The following FBXL17 variants were observed in gnomAD, a reference collection of about 807,000 sequenced individuals.
The protein encoded by FBXL17 is F-box/LRR-repeat protein 17.
In FBXL17, 22 loss-of-function variants were observed where a neutral mutation model predicts 66.2. That is an observed-to-expected ratio of 0.33 (90% CI 0.24 to 0.47). The LOEUF is 0.47. Ranked by LOEUF, FBXL17 falls within the 20% of genes least tolerant of loss-of-function variation. FBXL17 has a pLI of 1.00. For synonymous variants in FBXL17, 474 were observed against 400.5 expected, an observed-to-expected ratio of 1.18 and a Z score of -2.19; for missense variants, 878 against 948.2, an observed-to-expected ratio of 0.93 and a Z score of 0.97.
chr5:108,298,481 A>G (rs10070565), intron 4 of FBXL17: 4 of 972,962 alleles, frequency 4.1e-6, no homozygotes, highest in Non-Finnish European at 4.9e-6. Flanking sequence ...AAAGCATCTA[A>G]AGCCCTAAGT....
At chr5:107,876,117 GA>G (rs1748607450) in intron 8 of FBXL17, among the ~76,000 whole-genome samples, 1 of 152,194 alleles carries the variant, frequency 6.6e-6, no homozygotes, top group Admixed American at 6.5e-5. Context: ...TGGCCAAGAA[GA>G]AAAAACCTCC....
chr5:108,135,949 T>G (rs1751117015), intron 6 of FBXL17, among the ~76,000 whole-genome samples: 1 of 152,052 alleles, frequency 6.6e-6, no homozygotes, highest in African/African-American at 2.4e-5. Context: ...CCAACATAGT[T>G]TTTTATGGGC....
chr5:107,981,400 A>T (rs1356358168), intron 7 of FBXL17, among the ~76,000 whole-genome samples: 4 of 152,216 alleles, frequency 2.6e-5, no homozygotes, highest in Non-Finnish European at 1.5e-5. Flanking sequence ...ACATGGAGTG[A>T]CCACAACTGT....
chr5:108,116,577 G>A (rs1281467868), intron 6 of FBXL17, among the ~76,000 whole-genome samples: 1 of 151,910 alleles, frequency 6.6e-6, no homozygotes, highest in Non-Finnish European at 1.5e-5. Flanking sequence ...GAACCCGGGA[G>A]GCAGAGGTTG....
At chr5:108,281,587 G>T (rs1291095337) in intron 4 of FBXL17, among the ~76,000 whole-genome samples, 1 of 151,680 alleles carries the variant, frequency 6.6e-6, no homozygotes, top group Non-Finnish European at 1.5e-5. Flanking sequence ...AAAGAAGAAA[G>T]ATTACAAATT....
intron 7 of FBXL17, among the ~76,000 whole-genome samples, chr5:107,929,755 G>C (rs370619522): frequency 2.0e-5 from 3 of 152,048 alleles, no homozygotes; most frequent in East Asian, 3.9e-4. Context: ...AGCATCACCT[G>C]TTCCATCTCT....
intron 6 of FBXL17, among the ~76,000 whole-genome samples, chr5:108,132,427 C>T (rs1407514302): frequency 6.6e-6 from 1 of 152,132 alleles, no homozygotes; most frequent in Non-Finnish European, 1.5e-5. Flanking sequence ...CCCCTAATTA[C>T]TTAATACACT....
intron 2 of FBXL17, 69 bp from the exon 3 acceptor site, chr5:108,365,064 A>C: frequency 1.7e-6 from 2 of 1,144,672 alleles, no homozygotes; most frequent in Non-Finnish European, 2.5e-6. Context: ...TTTTTTAATT[A>C]AATGTTCCAC....
intron 6 of FBXL17, among the ~76,000 whole-genome samples, chr5:108,124,013 C>A (rs1229170857): frequency 1.3e-5 from 2 of 152,070 alleles, no homozygotes; most frequent in Non-Finnish European, 2.9e-5. Flanking sequence ...CAGTGACTGG[C>A]AGTTTATTTA....
At chr5:108,367,782 T>C in intron 2 of FBXL17, 49 bp downstream of exon 2, 2 of 1,466,132 alleles carry the variant, frequency 1.4e-6, no homozygotes, top group Non-Finnish European at 1.8e-6. Context: ...GGAATAAAGA[T>C]ATTTTTTGAG....
chr5:108,268,110 C>T (rs1284239589), intron 4 of FBXL17, among the ~76,000 whole-genome samples: 1 of 151,744 alleles, frequency 6.6e-6, no homozygotes, highest in East Asian at 1.9e-4. Context: ...AATTAGAAAA[C>T]ATTAGGCAGC....
intron 5 of FBXL17, among the ~76,000 whole-genome samples, chr5:108,214,505 C>A (rs996309888): frequency 1.3e-5 from 2 of 151,732 alleles, no homozygotes; most frequent in Non-Finnish European, 2.9e-5. Context: ...GTAACTGGGA[C>A]AAGAGGCACA....
chr5:108,226,195 A>T lies in FBXL17; in HGVS notation c.1507-1967T>A, dbSNP rs151148088. Among the ~76,000 whole-genome samples the T allele has an allele frequency of 2.3e-3, 350 of 152,300 alleles. 2 individuals are homozygous for T. The highest frequency in any genetic ancestry group is 8.2e-3 in the African/African-American group (339 of 41,572). On this transcript the variant is annotated intron_variant, in intron 4 of 8. Coordinates refer to ENST00000542267, the MANE Select transcript of FBXL17 (RefSeq NM_001163315.3). ...AACTCTTCCCTCCCTCTCCCCTAGA[A>T]TAACCAACCATTCTGATTTGCCTCG...
At chr5:108,194,313 A>C (rs1028272598) in intron 5 of FBXL17, among the ~76,000 whole-genome samples, 1 of 152,030 alleles carries the variant, frequency 6.6e-6, no homozygotes. Flanking sequence ...CCTTCCTCTT[A>C]TTCCACTACC....
At chr5:108,163,401 T>TTC (rs1490109206) in intron 6 of FBXL17, among the ~76,000 whole-genome samples, 1 of 69,938 alleles carries the variant, frequency 1.4e-5, no homozygotes, top group South Asian at 5.4e-4. Context: ...TTTTTTTTCT[T>TTC]TTTTTTTTTT....
At chr5:108,002,726 C>A (rs1753783807) in intron 7 of FBXL17, among the ~76,000 whole-genome samples, 1 of 152,176 alleles carries the variant, frequency 6.6e-6, no homozygotes, top group Non-Finnish European at 1.5e-5. Flanking sequence ...ATACATCCCA[C>A]AACACTGACA....
At chr5:108,016,390 G>C (rs1404026240) in intron 7 of FBXL17, among the ~76,000 whole-genome samples, 1 of 152,144 alleles carries the variant, frequency 6.6e-6, no homozygotes, top group African/African-American at 2.4e-5. Flanking sequence ...GTCAGTATTT[G>C]AGTGTTTCCA....
At chr5:108,010,678 G>A (rs1754141880) in intron 7 of FBXL17, among the ~76,000 whole-genome samples, 1 of 152,104 alleles carries the variant, frequency 6.6e-6, no homozygotes, top group African/African-American at 2.4e-5. Flanking sequence ...AGAGCCTGGT[G>A]TATCTTGACA....
chr5:107,953,349 G>A (rs1319219203), intron 7 of FBXL17, among the ~76,000 whole-genome samples: 2 of 139,586 alleles, frequency 1.4e-5, no homozygotes, highest in Non-Finnish European at 3.1e-5. Flanking sequence ...CTTGCAGTGA[G>A]CCGAGATCTC....
Sources: allele counts gnomAD v4.1 joint callset (sites outside exome capture counted in the v4.1 genomes callset), GRCh38; gene constraint gnomAD v4.1.1; transcripts MANE v1.5; gene names NCBI Gene and HGNC (gene_info 2026-07-23, HGNC 2026-07-21).